Variants in CCDC3 observed in about 807,000 individuals in gnomAD.
The protein encoded by CCDC3 is coiled-coil domain-containing protein 3.
In CCDC3, 24 loss-of-function variants were observed where a neutral mutation model predicts 21.4. That is an observed-to-expected ratio of 1.12 (90% CI 0.81 to 1.58). The LOEUF (loss-of-function observed/expected upper bound fraction) is 1.58, where lower values mean the gene tolerates loss of function less well. Ranked by LOEUF, CCDC3 falls within the 40% of genes most tolerant of loss-of-function variation. The pLI, the probability that CCDC3 is intolerant of heterozygous loss-of-function variation, is 0.00. For missense variants in CCDC3, 425 were observed against 360.9 expected, an observed-to-expected ratio of 1.18 and a Z score of -1.44; for synonymous variants, 186 against 166.0, an observed-to-expected ratio of 1.12 and a Z score of -0.93.
At chr10:12,974,615 T>G (rs983089953) in intron 2 of CCDC3, among the ~76,000 whole-genome samples, 1 of 152,208 alleles carries the variant, frequency 6.6e-6, no homozygotes, top group Non-Finnish European at 1.5e-5. Context: ...AGCACAGGAC[T>G]GACTGAATTC....
chr10:13,065,393 C>G (rs1836810175), intron 4 of CCDC3, among the ~76,000 whole-genome samples: 1 of 152,096 alleles, frequency 6.6e-6, no homozygotes, highest in African/African-American at 2.4e-5. Flanking sequence ...TAAAAATGGT[C>G]CAATGGGCAT....
intron 3 of CCDC3, among the ~76,000 whole-genome samples, chr10:13,097,738 A>C (rs1454698854): frequency 6.6e-6 from 1 of 152,150 alleles, no homozygotes; most frequent in African/African-American, 2.4e-5. Flanking sequence ...AATAAAATAA[A>C]ACCTTTGGGG....
chr10:13,070,894 A>T (rs1176409021), intron 4 of CCDC3, among the ~76,000 whole-genome samples: 1 of 152,238 alleles, frequency 6.6e-6, no homozygotes, highest in African/African-American at 2.4e-5. Flanking sequence ...ATTAGGTTCT[A>T]GATTCATTCA....
chr10:13,024,453 A>G (rs1302777249), intron 5 of CCDC3, among the ~76,000 whole-genome samples: 2 of 152,184 alleles, frequency 1.3e-5, no homozygotes, highest in African/African-American at 2.4e-5. Context: ...AGAAACTCTG[A>G]GAATTCTTTA....
At chr10:13,057,859 T>C (rs1836702400) in intron 4 of CCDC3, 1 of 409,168 alleles carries the variant, frequency 2.4e-6, no homozygotes, top group Non-Finnish European at 4.6e-6. Flanking sequence ...CCAGCCCAGA[T>C]GACAGTGCGA....
In CCDC3 at chr10:12,974,717, G is replaced by A. The variant is rs187556128; in HGVS notation, c.549+23621C>T. Reference sequence around the variant, plus strand: ...CCTCCCCGGCCAACATGACACCCCCGGATCATTCATTCTTCCTTGGGTCTT... The same window carrying A: ...CCTCCCCGGCCAACATGACACCCCCAGATCATTCATTCTTCCTTGGGTCTT... On this transcript the variant is annotated intron_variant, in intron 2 of 2. Coordinates refer to ENST00000378825, the MANE Select transcript of CCDC3 (RefSeq NM_031455.4). 3.5e-4 allele frequency among the ~76,000 whole-genome samples: 53 copies of A among 152,218 alleles called. 1 individual carries two copies. Among genetic ancestry groups the A allele is most frequent in the African/African-American group, 1.1e-3 (46 of 41,546 alleles).
Position 13,057,637 on chromosome 10 carries a change from T to A in CCDC3, c.-269-7696A>T, listed in dbSNP as rs531455928. Among the ~76,000 whole-genome samples, 9 of 152,256 alleles carry A rather than the reference T, an allele frequency of 5.9e-5. 1 individual carries two copies. In the South Asian group the frequency reaches 1.9e-3, roughly 32 times the overall value. On this transcript the variant is annotated intron_variant, in intron 4 of 6. Transcript: ENST00000378839. ...GCTCACACCTGTAATCCCAGCACTT[T>A]GGAAGGCCAAGGCAGACAGACCACA... is the stretch of plus-strand genomic sequence containing the variant.
intron 5 of CCDC3, among the ~76,000 whole-genome samples, chr10:13,010,850 T>C (rs747637251): frequency 4.6e-5 from 7 of 152,196 alleles, no homozygotes; most frequent in Admixed American, 3.9e-4. Flanking sequence ...GGATTTCCTC[T>C]ACCAATTCAT....
At chr10:12,947,155 T>TG (rs200311373) in intron 2 of CCDC3, among the ~76,000 whole-genome samples, 2,887 of 150,828 alleles carry the variant, frequency 0.019, 43 homozygotes, top group Non-Finnish European at 0.028. Flanking sequence ...TTTTTTTTTT[T>TG]TTGTTTTTTG....
At chr10:12,959,319 C>T (rs1835144118) in intron 2 of CCDC3, among the ~76,000 whole-genome samples, 1 of 152,102 alleles carries the variant, frequency 6.6e-6, no homozygotes, top group Non-Finnish European at 1.5e-5. Context: ...AGGTGCCCGC[C>T]AGCATGCCCA....
At chr10:13,021,661 A>G (rs1020654144) in intron 5 of CCDC3, among the ~76,000 whole-genome samples, 6 of 152,158 alleles carry the variant, frequency 3.9e-5, no homozygotes, top group Non-Finnish European at 5.9e-5. Context: ...CCAACCTCCC[A>G]TTATCCAATG....
rs17152821 is a variant in CCDC3, at chr10:13,085,677, G to A, written c.-502-11577C>T. 4.5e-3 allele frequency among the ~76,000 whole-genome samples: 678 copies of A among 152,172 alleles called. 3 individuals carry two copies. Among genetic ancestry groups the A allele is most frequent in the African/African-American group, 0.015 (627 of 41,522 alleles). On this transcript the variant is annotated intron_variant, in intron 3 of 6. Coordinates refer to the CCDC3 transcript ENST00000378839. ...TCCATAAAACATCAGAAATTCAAGG[G>A]ACCATGAGGCCAGGTGCAGTGGCTC...
intron 4 of CCDC3, among the ~76,000 whole-genome samples, chr10:13,050,402 G>A (rs935459761): frequency 2.0e-4 from 30 of 152,088 alleles, no homozygotes; most frequent in African/African-American, 7.2e-4. Context: ...CATGGGCCAG[G>A]GCTGGGCCTA....
intron 2 of CCDC3, among the ~76,000 whole-genome samples, chr10:12,947,523 G>A (rs1834933410): frequency 6.6e-6 from 1 of 152,126 alleles, no homozygotes; most frequent in Admixed American, 6.5e-5. Context: ...AATACATGAG[G>A]CACTGATAAA....
At chr10:13,059,356 G>C (rs1224712166) in intron 4 of CCDC3, among the ~76,000 whole-genome samples, 1 of 152,170 alleles carries the variant, frequency 6.6e-6, no homozygotes, top group East Asian at 1.9e-4. Context: ...TATGAGATGA[G>C]AAGTAAGTTT....
intron 2 of CCDC3, among the ~76,000 whole-genome samples, chr10:12,940,041 C>A (rs1834796318): frequency 6.6e-6 from 1 of 152,158 alleles, no homozygotes; most frequent in African/African-American, 2.4e-5. Flanking sequence ...AATTCCACTT[C>A]TGTGTTAATA....
chr10:12,992,750 TGAA>T (rs1835700389), intron 2 of CCDC3, among the ~76,000 whole-genome samples: 1 of 152,054 alleles, frequency 6.6e-6, no homozygotes, highest in Admixed American at 6.5e-5. Flanking sequence ...AAATTACCAC[TGAA>T]GAATTGATTC....
chr10:13,068,980 G>T (rs927539445), intron 4 of CCDC3, among the ~76,000 whole-genome samples: 3 of 152,248 alleles, frequency 2.0e-5, no homozygotes, highest in African/African-American at 2.4e-5. Context: ...TCTTGGCCGG[G>T]TGTGGTGGCT....
chr10:13,016,478 C>T (rs1199824183), intron 5 of CCDC3, among the ~76,000 whole-genome samples: 1 of 152,072 alleles, frequency 6.6e-6, no homozygotes, highest in South Asian at 2.1e-4. Flanking sequence ...TTGTTCAGGG[C>T]CTTCCTTGGA....
Sources: allele counts gnomAD v4.1 joint callset (sites outside exome capture counted in the v4.1 genomes callset), GRCh38; gene constraint gnomAD v4.1.1; transcripts MANE v1.5; gene names NCBI Gene and HGNC (gene_info 2026-07-23, HGNC 2026-07-21).